CCSER1: variants seen among roughly 807,000 people sequenced by gnomAD.
CCSER1 encodes the protein serine-rich coiled-coil domain-containing protein 1.
In CCSER1, 41 loss-of-function variants were observed where a neutral mutation model predicts 82.0. The observed-to-expected ratio is 0.50, with a 90% CI of 0.39 to 0.65. The LOEUF (loss-of-function observed/expected upper bound fraction) is 0.65, where lower values mean the gene tolerates loss of function less well. Among genes scored for constraint, CCSER1 ranks in the 30% least tolerant of loss-of-function variants. The pLI is 0.00. For synonymous variants in CCSER1, 414 were observed against 383.9 expected, an observed-to-expected ratio of 1.08 and a Z score of -0.92; for missense variants, 1,119 against 1,064.2, an observed-to-expected ratio of 1.05 and a Z score of -0.72.
At chr4:91,411,428 C>T (rs981072059) in intron 10 of CCSER1, among the ~76,000 whole-genome samples, 4 of 137,850 alleles carry the variant, frequency 2.9e-5, no homozygotes, top group Non-Finnish European at 6.2e-5. Flanking sequence ...CTTAATTTAT[C>T]TGATACCACC....
intron 8 of CCSER1, 149 bp downstream of exon 8, chr4:90,815,994 G>C: frequency 1.9e-6 from 1 of 525,982 alleles, no homozygotes; most frequent in East Asian, 3.0e-5. Context: ...ATTCTGTCAT[G>C]AAAACTATAG....
At chr4:90,388,557 G>A (rs550884030) in intron 3 of CCSER1, among the ~76,000 whole-genome samples, 42 of 152,076 alleles carry the variant, frequency 2.8e-4, no homozygotes, top group African/African-American at 9.4e-4. Context: ...AGATCCGCTT[G>A]CCTTGGCCTC....
rs181170595 is a variant in CCSER1, at chr4:90,163,727, G to A, written c.-42+35896G>A. ...GGTCACTAAGATGTCAAGGAAATGA[G>A]GTGTAGATTATTATAAATGCTCTAA... On this transcript the variant is annotated intron_variant, in intron 1 of 10. Coordinates refer to ENST00000509176, the MANE Select transcript of CCSER1 (RefSeq NM_001145065.2). 1.6e-4 allele frequency among the ~76,000 whole-genome samples: 24 copies of A among 152,042 alleles called. No individual in the cohort carries two copies. In the East Asian group the frequency reaches 3.9e-3, roughly 25 times the overall value.
chr4:91,301,514 CTCTG>C (rs905046197), intron 10 of CCSER1, among the ~76,000 whole-genome samples: 1 of 149,810 alleles, frequency 6.7e-6, no homozygotes, highest in East Asian at 2.0e-4. Context: ...TTATTTGCCT[CTCTG>C]TCTATGTATA....
chr4:90,231,108 C>T (rs1478826081), intron 1 of CCSER1, among the ~76,000 whole-genome samples: 3 of 152,136 alleles, frequency 2.0e-5, no homozygotes, highest in South Asian at 4.2e-4. Flanking sequence ...GGGAATCCTC[C>T]CTAACTCATT....
chr4:90,649,515 C>T (rs1262746073), intron 6 of CCSER1: 1 of 152,082 alleles, frequency 6.6e-6, no homozygotes, highest in Admixed American at 6.6e-5. Context: ...TCTGTCTCTA[C>T]CATGTGAGGA....
chr4:90,283,124 A>G (rs1729171635), intron 1 of CCSER1, among the ~76,000 whole-genome samples: 1 of 151,946 alleles, frequency 6.6e-6, no homozygotes, highest in Non-Finnish European at 1.5e-5. Flanking sequence ...TAGTGATAAC[A>G]TGTTTTTCTA....
intron 6 of CCSER1, among the ~76,000 whole-genome samples, chr4:90,713,182 A>G (rs1219948891): frequency 2.0e-5 from 3 of 152,042 alleles, no homozygotes; most frequent in Non-Finnish European, 2.9e-5. Flanking sequence ...TGATCCCGTC[A>G]TAATGATGCT....
In CCSER1 at chr4:91,414,266, A is replaced by G. The variant is rs140445788; in HGVS notation, c.2218-184306A>G. Among the ~76,000 whole-genome samples the G allele has an allele frequency of 2.2e-3, 328 of 152,300 alleles. 2 individuals are homozygous for G. Among genetic ancestry groups the G allele is most frequent in the African/African-American group, 7.6e-3 (317 of 41,582 alleles). ...AATGCTTACACAATATAAAATATGC[A>G]AAGTGTGACATCAATAACATTAAAT... is the stretch of plus-strand genomic sequence containing the variant. On this transcript the variant is annotated intron_variant, in intron 10 of 10. Transcript: ENST00000509176.
At chr4:90,725,057 T>C in intron 7 of CCSER1, 1 of 427,134 alleles carries the variant, frequency 2.3e-6, no homozygotes, top group Admixed American at 2.5e-5. Flanking sequence ...TGTTAAATAC[T>C]GAATGATATT....
intron 10 of CCSER1, among the ~76,000 whole-genome samples, chr4:91,147,637 G>C (rs1198851299): frequency 1.3e-5 from 2 of 152,146 alleles, no homozygotes; most frequent in Non-Finnish European, 2.9e-5. Context: ...TTTATTTTCT[G>C]GCCCCTTAGG....
At chr4:90,198,501 A>G (rs1737026876) in intron 1 of CCSER1, among the ~76,000 whole-genome samples, 1 of 152,068 alleles carries the variant, frequency 6.6e-6, no homozygotes, top group South Asian at 2.1e-4. Flanking sequence ...TTTTTTTTAA[A>G]CTTTCTGTAT....
intron 10 of CCSER1, among the ~76,000 whole-genome samples, chr4:91,547,110 G>A (rs537252765): frequency 1.3e-5 from 2 of 151,612 alleles, no homozygotes; most frequent in Non-Finnish European, 2.9e-5. Flanking sequence ...GACATTGCAT[G>A]ATTTATATTA....
chr4:90,481,190 A>C (rs1438824647), intron 5 of CCSER1, among the ~76,000 whole-genome samples: 2 of 151,940 alleles, frequency 1.3e-5, no homozygotes, highest in South Asian at 4.2e-4. Flanking sequence ...TTGGTGCATA[A>C]GAATGCTTGT....
chr4:91,447,372 T>C (rs1409231197), intron 10 of CCSER1, among the ~76,000 whole-genome samples: 1 of 118,784 alleles, frequency 8.4e-6, no homozygotes, highest in African/African-American at 3.4e-5. Flanking sequence ...CTTTGTCACT[T>C]ATTATCTTAC....
intron 10 of CCSER1, among the ~76,000 whole-genome samples, chr4:91,285,247 GTTTTTT>G (rs35662705): frequency 5.2e-5 from 7 of 133,538 alleles, no homozygotes; most frequent in African/African-American, 1.9e-4. Context: ...ACTTCAATGG[GTTTTTT>G]TTTTTTTTTT....
At chr4:90,710,131 ATTGT>A (rs1473157405) in intron 6 of CCSER1, among the ~76,000 whole-genome samples, 1 of 151,120 alleles carries the variant, frequency 6.6e-6, no homozygotes, top group Non-Finnish European at 1.5e-5. Context: ...TTTTAATGGG[ATTGT>A]TTGTTTTCTT....
intron 10 of CCSER1, among the ~76,000 whole-genome samples, chr4:91,340,776 C>T (rs1011705803): frequency 1.3e-5 from 2 of 152,046 alleles, no homozygotes; most frequent in African/African-American, 4.8e-5. Flanking sequence ...CTTTCCATTG[C>T]CTGCACAGGA....
intron 10 of CCSER1, among the ~76,000 whole-genome samples, chr4:91,554,689 C>CA (rs1473216825): frequency 1.3e-5 from 2 of 150,738 alleles, no homozygotes; most frequent in South Asian, 2.1e-4. Flanking sequence ...TATTAAAATG[C>CA]AAAAAAATCC....
Sources: gnomAD v4.1 joint callset for allele counts (sites outside exome capture counted in the v4.1 genomes callset) on GRCh38, gnomAD v4.1.1 for gene constraint, MANE v1.5 for transcripts, NCBI Gene and HGNC (gene_info 2026-07-23, HGNC 2026-07-21) for gene names.